Variants in RBFOX1 observed in about 807,000 individuals in gnomAD.
RBFOX1 encodes the protein RNA binding protein fox-1 homolog 1.
RBFOX1 carries 8 observed loss-of-function variants against 57.7 expected under a neutral mutation model. That is an observed-to-expected ratio of 0.14 (90% confidence interval 0.08 to 0.25). RBFOX1 has a LOEUF of 0.25. RBFOX1 is among the 10% of genes least tolerant of loss of function. The pLI, the probability that RBFOX1 is intolerant of heterozygous loss-of-function variation, is 1.00. For missense variants in RBFOX1, 611 were observed against 548.5 expected (o/e 1.11, Z -1.14); for synonymous variants, 326 against 222.4 (o/e 1.47, Z -4.15).
At chr16:7,005,514 T>C (rs1036231589) in intron 3 of RBFOX1, among the ~76,000 whole-genome samples, 3 of 152,144 alleles carry the variant, frequency 2.0e-5, no homozygotes, top group Non-Finnish European at 4.4e-5. Flanking sequence ...ACGAGAAAAT[T>C]GGTACAATGA....
chr16:5,386,518 C>T lies in RBFOX1; in HGVS notation c.220-80698C>T, dbSNP rs559669151. 2.0e-5 allele frequency among the ~76,000 whole-genome samples: 3 copies of T among 152,290 alleles called. No homozygotes were observed. In the East Asian group the frequency reaches 5.8e-4, roughly 29 times the overall value. The stretch of plus-strand genomic sequence containing the variant: ...TGCTTTCCCCCCGTAAATCACCTCT[C>T]CTGCCCTCCCTACTCTTTGCATTCA... On this transcript the variant is annotated intron_variant, in intron 1 of 2. Coordinates refer to the RBFOX1 transcript ENST00000585867.
intron 1 of RBFOX1, among the ~76,000 whole-genome samples, chr16:5,339,470 GTTTTTTTTTTTTTTTTTTTTT>G (rs560472298): frequency 4.9e-5 from 2 of 40,854 alleles, no homozygotes; most frequent in Non-Finnish European, 9.0e-5. Context: ...CTTTTTCCGT[GTTTTTTTTTTTTTTTTTTTTT>G]TTTTTTTTTG....
intron 4 of RBFOX1, among the ~76,000 whole-genome samples, chr16:5,988,108 G>A (rs556439799): frequency 5.5e-4 from 83 of 152,234 alleles, no homozygotes; most frequent in African/African-American, 2.0e-3. Context: ...ATTCAGACCC[G>A]ATTCAATTCG....
intron 3 of RBFOX1, among the ~76,000 whole-genome samples, chr16:6,866,539 C>CTTTTTTTTTTTTTTTT (rs1161474639): frequency 1.6e-4 from 8 of 49,078 alleles, no homozygotes; most frequent in Non-Finnish European, 2.2e-4. Flanking sequence ...TTCTTTCCTT[C>CTTTTTTTTTTTTTTTT]TATTTTTTTT....
chr16:7,350,262 C>T (rs1161187535), intron 4 of RBFOX1, among the ~76,000 whole-genome samples: 1 of 151,910 alleles, frequency 6.6e-6, no homozygotes, highest in Non-Finnish European at 1.5e-5. Context: ...TGTGTACAGT[C>T]GTGGGGTATG....
At chr16:7,161,133 C>A (rs187588643) in intron 4 of RBFOX1, among the ~76,000 whole-genome samples, 3 of 152,066 alleles carry the variant, frequency 2.0e-5, no homozygotes, top group Non-Finnish European at 4.4e-5. Flanking sequence ...TCTGGGATTA[C>A]AAAATAATTT....
rs1020852397 is a variant in RBFOX1, at chr16:5,500,526, A to G, written c.258+33272A>G. ...TGTGAGCCATCATGCCTGGCCGAGT[A>G]TCAGGCTTTCAAATGTTTATATGCA... On this transcript the variant is annotated intron_variant, in intron 2 of 2. Coordinates refer to the RBFOX1 transcript ENST00000585867. Among the ~76,000 whole-genome samples the G allele has an allele frequency of 3.3e-5, 5 of 152,222 alleles. No individual in the cohort carries two copies. The East Asian group carries it at 9.7e-4, about 30-fold the overall frequency.
intron 3 of RBFOX1, among the ~76,000 whole-genome samples, chr16:5,804,496 T>C (rs940440293): frequency 6.6e-6 from 1 of 152,140 alleles, no homozygotes; most frequent in African/African-American, 2.4e-5. Context: ...GTCCCTGGGG[T>C]ATTTCCTAAA....
intron 3 of RBFOX1, among the ~76,000 whole-genome samples, chr16:6,913,755 G>A (rs1298599259): frequency 6.6e-6 from 1 of 152,132 alleles, no homozygotes; most frequent in Non-Finnish European, 1.5e-5. Flanking sequence ...GCAGCCAGCG[G>A]TTAAGTCCAC....
rs781668065 is a variant in RBFOX1 at position 6,019,919 on chromosome 16, T to A, written c.-200T>A. 2.6e-6 allele frequency: 4 copies of A among 1,533,426 alleles called. No homozygotes were observed. The highest frequency in any genetic ancestry group is 3.5e-6 in the Non-Finnish European group (4 of 1,145,890). The allele number at this position is 1,533,426 out of a possible 1,614,324, so 95.0% of individuals were successfully genotyped here. On this transcript the variant is annotated 5_prime_UTR_variant, in exon 1 of 16. Transcript: ENST00000550418. The surrounding 1 kb of genome is among the most constrained non-coding windows in gnomAD (Gnocchi z 4.2). ...AGCTTATGGTGAGTGTGGCTGGGGG[T>A]GCAGAGAGCGCACGGGAATTCGGGG...
rs1193729073 is a variant in RBFOX1 at position 6,637,067 on chromosome 16, AAT to A, written c.-63-17533_-63-17532del. On this transcript the variant is annotated intron_variant, in intron 2 of 15. Transcript: ENST00000550418. Reference sequence around the variant, plus strand: ...ATGTATAAACATATTTATATGTATAAATATGTTTAATATATATAATACATATT... The same window carrying A: ...ATGTATAAACATATTTATATGTATAAATGTTTAATATATATAATACATATT... Among the ~76,000 whole-genome samples the A allele has an allele frequency of 5.7e-5, 5 of 87,372 alleles. No homozygotes were observed. In the South Asian group the frequency reaches 1.2e-3, roughly 21 times the overall value. 57.3% of individuals were successfully genotyped at this position (87,372 alleles called of 152,430 possible).
rs560868158 is a variant in RBFOX1 at position 6,712,321 on chromosome 16, C to T, written c.-16+57671C>T. ...TCTGTCATCTGGGTCTGCCAAATAC[C>T]CATTTGCGCATGTGTGCCCGAGACC... On this transcript the variant is annotated intron_variant, in intron 3 of 15. Coordinates refer to ENST00000550418, the MANE Select transcript of RBFOX1 (RefSeq NM_018723.4). Among the ~76,000 whole-genome samples, 38 of 152,212 alleles carry T rather than the reference C, an allele frequency of 2.5e-4. No individual in the cohort carries two copies. The South Asian group carries it at 4.8e-3, about 19-fold the overall frequency.
At chr16:6,999,020 T>C (rs1596480155) in intron 3 of RBFOX1, among the ~76,000 whole-genome samples, 2 of 151,348 alleles carry the variant, frequency 1.3e-5, no homozygotes, top group East Asian at 3.9e-4. Flanking sequence ...AAGCATCCAC[T>C]ACCATGCCTG....
At chr16:6,902,273 T>G (rs1009801577) in intron 3 of RBFOX1, among the ~76,000 whole-genome samples, 15 of 152,202 alleles carry the variant, frequency 9.9e-5, no homozygotes, top group African/African-American at 3.1e-4. Context: ...CGTTTTTGTT[T>G]CCACTGTGTT....
intron 4 of RBFOX1, among the ~76,000 whole-genome samples, chr16:5,917,858 C>T (rs184901225): frequency 3.3e-5 from 5 of 152,274 alleles, no homozygotes; most frequent in Non-Finnish European, 5.9e-5. Context: ...CAGGGTCTAG[C>T]CCCTGGTCCC....
chr16:7,510,533 G>A (rs1466500948), intron 4 of RBFOX1, among the ~76,000 whole-genome samples: 3 of 149,634 alleles, frequency 2.0e-5, no homozygotes, highest in African/African-American at 7.5e-5. Flanking sequence ...ACGCGCGCAC[G>A]CGCGCTTTCT....
chr16:6,733,845 C>T (rs1229827565), intron 3 of RBFOX1, among the ~76,000 whole-genome samples: 1 of 152,196 alleles, frequency 6.6e-6, no homozygotes, highest in African/African-American at 2.4e-5. Flanking sequence ...GAGCTCACTC[C>T]AGAGCTGACG....
chr16:6,999,240 T>A (rs1256291434), intron 3 of RBFOX1, among the ~76,000 whole-genome samples: 2 of 115,592 alleles, frequency 1.7e-5, no homozygotes, highest in Non-Finnish European at 4.2e-5. Flanking sequence ...TTTTTTTTTT[T>A]AGAGATCAGG....
Position 6,544,475 on chromosome 16 carries a change from T to C in RBFOX1, c.-63-110128T>C, listed in dbSNP as rs148071697. Among the ~76,000 whole-genome samples the C allele has an allele frequency of 3.8e-3, 580 of 152,322 alleles. 9 individuals carry two copies. Among genetic ancestry groups the C allele is most frequent in the African/African-American group, 0.013 (543 of 41,574 alleles). Reference sequence around the variant, plus strand: ...TCTGGGAGGCACTGTAATTTCCTGTTTTGTAGGATCTCATAGGAAATTTTT... The same window carrying C: ...TCTGGGAGGCACTGTAATTTCCTGTCTTGTAGGATCTCATAGGAAATTTTT... On this transcript the variant is annotated intron_variant, in intron 2 of 15. Coordinates refer to ENST00000550418, the MANE Select transcript of RBFOX1 (RefSeq NM_018723.4).
Sources: gnomAD v4.1 joint callset for allele counts (sites outside exome capture counted in the v4.1 genomes callset) on GRCh38, gnomAD v4.1.1 for gene constraint, Gnocchi (gnomAD v3.1) non-coding constraint, MANE v1.5 for transcripts, NCBI Gene and HGNC (gene_info 2026-07-23, HGNC 2026-07-21) for gene names.